Variants in NR2C2 observed in about 807,000 individuals in gnomAD.
The protein encoded by NR2C2 is Nuclear hormone receptor TR4.
Under a neutral mutation model 62.9 loss-of-function variants are expected in NR2C2, and 6 were observed. The observed-to-expected ratio is 0.10, with a 90% CI of 0.05 to 0.19. The LOEUF is 0.19. Among genes scored for constraint, NR2C2 ranks in the 10% least tolerant of loss-of-function variants. The probability of loss-of-function intolerance (pLI) is 1.00; values close to 1 mark genes in which losing one functional copy is unlikely to be tolerated. For synonymous variants in NR2C2, 272 were observed against 273.8 expected, an observed-to-expected ratio of 0.99 and a Z score of 0.07; for missense variants, 479 against 762.7, an observed-to-expected ratio of 0.63 and a Z score of 4.38.
chr3:15,023,961 G>A (rs1017660174), intron 6 of NR2C2, among the ~76,000 whole-genome samples, 154 bp from the exon 7 acceptor site: 16 of 152,176 alleles, frequency 1.1e-4, no homozygotes, highest in African/African-American at 3.6e-4. Context: ...GACAGGGGTG[G>A]GGGTTCTGCT....
At position 15,047,281 on chromosome 3, in the gene NR2C2, G is replaced by A. The variant is rs928542886; in HGVS notation, c.*4273G>A. ...TCCTTTGGGTGAGCCTGCCTGGGAA[G>A]GGCCATGAAGTCAGAATCTCCACTC... On this transcript the variant is annotated 3_prime_UTR_variant, in exon 14 of 14. Transcript: ENST00000425241. The A allele has an allele frequency of 6.6e-6, 1 of 152,264 alleles. No homozygotes were observed. The highest frequency in any genetic ancestry group is 1.5e-5 in the Non-Finnish European group (1 of 68,044). The allele number at this position is 152,264 out of a possible 1,614,324, so 9.4% of individuals were successfully genotyped here. A position where few individuals can be genotyped will look rare whatever the true frequency, so the allele number is the denominator to read the frequency against.
At chr3:15,025,143 A>C (rs2125037701) in intron 7 of NR2C2, among the ~76,000 whole-genome samples, 1 of 152,372 alleles carries the variant, frequency 6.6e-6, no homozygotes, top group African/African-American at 2.4e-5. Flanking sequence ...ATTCTAGAAC[A>C]GTGGCTCTGA....
Position 15,028,644 on chromosome 3 carries a change from A to C in NR2C2, c.857A>C (p.Asn286Thr). 6.2e-7 allele frequency: 1 copy of C among 1,614,088 alleles called. No homozygotes were observed. Among genetic ancestry groups the C allele is most frequent in the South Asian group, 1.1e-5 (1 of 91,078 alleles). The change falls in exon 8 of 14, where the codon AAC becomes ACC. Residue 286 changes from asparagine (N) to threonine (T), a missense_variant. By Grantham distance (65) the Asn-to-Thr change is moderately conservative. Transcript: ENST00000425241. ...GCAAATGTAGTGACCTCCCTTGCCA[A>C]CCTAAGTGAATCTTTGAACAACGGT... ...TLANVVTSLANLSESLNNGDT... is the reference protein window; with the variant it reads ...TLANVVTSLATLSESLNNGDT...
intron 8 of NR2C2, 33 bp downstream of exon 8, chr3:15,028,752 T>A (rs2041891052): frequency 3.1e-6 from 5 of 1,604,260 alleles, no homozygotes. Context: ...TCTCCCCTCC[T>A]CGCCTGGACA....
chr3:14,949,256 A>G (rs1195639168), intron 1 of NR2C2, among the ~76,000 whole-genome samples: 1 of 152,238 alleles, frequency 6.6e-6, no homozygotes, highest in Non-Finnish European at 1.5e-5. Context: ...GACCTGCTGA[A>G]GAAGACCTGA....
chr3:15,045,471 G>C lies in NR2C2; in HGVS notation c.*2463G>C, dbSNP rs1266276063. On this transcript the variant is annotated 3_prime_UTR_variant, in exon 14 of 14. Transcript: ENST00000425241. ...CTGGTCCTGCTCTTTAAGTCCCCTT[G>C]CTGGTGATGGCTGATTCCAGGGACT... 1 of 152,700 alleles carries C rather than the reference G, an allele frequency of 6.5e-6. No individual in the cohort carries two copies. Among genetic ancestry groups the C allele is most frequent in the Non-Finnish European group, 1.5e-5 (1 of 68,094 alleles). 9.5% of individuals were successfully genotyped at this position (152,700 alleles called of 1,614,324 possible).
intron 1 of NR2C2, among the ~76,000 whole-genome samples, chr3:14,960,301 G>T (rs1012912835): frequency 1.3e-5 from 2 of 152,156 alleles, no homozygotes; most frequent in Non-Finnish European, 2.9e-5. Flanking sequence ...AAAAATTAAT[G>T]TCCAGAATAC....
intron 1 of NR2C2, among the ~76,000 whole-genome samples, chr3:14,971,700 T>C (rs1022601176): frequency 6.6e-6 from 1 of 151,736 alleles, no homozygotes; most frequent in Admixed American, 6.5e-5. Context: ...TAAAGTGATA[T>C]TTGATTGTGG....
chr3:15,032,396 A>G lies in NR2C2; in HGVS notation c.1128A>G (p.Pro376=). 1.2e-6 allele frequency: 2 copies of G among 1,614,212 alleles called. No homozygotes were observed. The highest frequency in any genetic ancestry group is 1.7e-6 in the Non-Finnish European group (2 of 1,180,026). Residue 376 remains proline, a synonymous_variant, in exon 10 of 14, where the codon CCA becomes CCG. Coordinates refer to ENST00000425241, the MANE Select transcript of NR2C2 (RefSeq NM_001291694.2). ...HVTFKLTMPS[P]MPEYLNVHYI... ...TTTTCCAGCTAACAATGCCCAGTCC[A>G]ATGCCAGAGTACCTCAACGTGCACT...
chr3:14,962,137 T>G (rs984382908), intron 1 of NR2C2, among the ~76,000 whole-genome samples: 1 of 152,232 alleles, frequency 6.6e-6, no homozygotes, highest in East Asian at 1.9e-4. Context: ...GTTACAACCC[T>G]GGAGACCTGA....
intron 1 of NR2C2, among the ~76,000 whole-genome samples, chr3:14,959,856 C>A (rs1161473627): frequency 6.6e-6 from 1 of 152,096 alleles, no homozygotes; most frequent in East Asian, 1.9e-4. Context: ...AGAGAACCTA[C>A]AGTTATATCC....
At chr3:15,011,138 C>T (rs1575001859) in intron 2 of NR2C2, among the ~76,000 whole-genome samples, 1 of 152,062 alleles carries the variant, frequency 6.6e-6, no homozygotes, top group African/African-American at 2.4e-5. Flanking sequence ...AATTTGAGGT[C>T]ACCTGGGCAA....
intron 11 of NR2C2, among the ~76,000 whole-genome samples, chr3:15,035,612 A>G (rs942869438): frequency 2.0e-5 from 3 of 152,226 alleles, no homozygotes; most frequent in African/African-American, 7.2e-5. Context: ...ACTAGGGCAC[A>G]GGCTGGGTGC....
At chr3:14,983,952 G>C (rs540775811) in intron 1 of NR2C2, among the ~76,000 whole-genome samples, 1 of 152,014 alleles carries the variant, frequency 6.6e-6, no homozygotes, top group Non-Finnish European at 1.5e-5. Flanking sequence ...GCAATGGCGC[G>C]ATCTTGGCTC....
In NR2C2 at chr3:14,978,215, AGTGG is replaced by A. The variant is rs904366122; in HGVS notation, c.-39-25659_-39-25656del. Among the ~76,000 whole-genome samples the A allele has an allele frequency of 2.2e-4, 33 of 152,320 alleles. 4 individuals carry two copies. The highest frequency in any genetic ancestry group is 2.1e-3 in the South Asian group (10 of 4,826). On this transcript the variant is annotated intron_variant, in intron 1 of 13. Transcript: ENST00000425241. ...TCAGTACAAATGTTCCTTAACTTGC[AGTGG>A]GGTTGTGCCCCAATAAACTCATTAT...
Position 15,004,627 on chromosome 3 carries a change from G to A in NR2C2, c.72+641G>A, listed in dbSNP as rs147932247. The A allele has an allele frequency of 5.6e-4, 910 of 1,611,026 alleles. 8 individuals carry two copies. In the East Asian group the frequency reaches 0.017, roughly 31 times the overall value. On this transcript the variant is annotated intron_variant, in intron 2 of 13. Transcript: ENST00000425241. Reference sequence around the variant, plus strand: ...AACAAAGAGAAGGTAGGTGTATCAAGCTTGAAGGCAAAAAGCTGGGAGGAA... The same window carrying A: ...AACAAAGAGAAGGTAGGTGTATCAAACTTGAAGGCAAAAAGCTGGGAGGAA...
At chr3:14,951,965 C>G (rs767741101) in intron 1 of NR2C2, among the ~76,000 whole-genome samples, 1 of 152,178 alleles carries the variant, frequency 6.6e-6, no homozygotes, top group African/African-American at 2.4e-5. Flanking sequence ...CCAGGATGGT[C>G]TCAAACTCCT....
intron 1 of NR2C2, among the ~76,000 whole-genome samples, chr3:14,968,926 A>G (rs540443982): frequency 6.8e-6 from 1 of 147,852 alleles, no homozygotes; most frequent in East Asian, 2.1e-4. Context: ...ATAGGTGGGA[A>G]TTGAACAACA....
At chr3:15,005,785 T>A (rs568767142) in intron 2 of NR2C2, among the ~76,000 whole-genome samples, 246 of 152,202 alleles carry the variant, frequency 1.6e-3, no homozygotes, top group Middle Eastern at 6.8e-3. Flanking sequence ...TTTTTTCCCA[T>A]TTTTTTCCTA....
Sources: gnomAD v4.1 joint callset for allele counts (sites outside exome capture counted in the v4.1 genomes callset) on GRCh38, gnomAD v4.1.1 for gene constraint, MANE v1.5 for transcripts, NCBI Gene and HGNC (gene_info 2026-07-23, HGNC 2026-07-21) for gene names.